Variants in WNT9A observed in about 807,000 individuals in gnomAD.
WNT9A encodes the protein protein Wnt-9a.
Under a neutral mutation model 31.4 loss-of-function variants are expected in WNT9A, and 8 were observed. The observed-to-expected ratio is 0.26, with a 90% CI of 0.15 to 0.46. WNT9A has a LOEUF of 0.46. WNT9A is among the 20% of genes least tolerant of loss of function. The probability of loss-of-function intolerance (pLI) is 0.99; values close to 1 mark genes in which losing one functional copy is unlikely to be tolerated. For synonymous variants in WNT9A, 236 were observed against 220.1 expected, an observed-to-expected ratio of 1.07 and a Z score of -0.64; for missense variants, 457 against 522.9, an observed-to-expected ratio of 0.87 and a Z score of 1.23.
rs376232294 is a variant in WNT9A, at chr1:227,937,594, C to T, written c.95+10199G>A. Among the ~76,000 whole-genome samples the T allele has an allele frequency of 2.5e-3, 385 of 152,316 alleles. 2 individuals carry two copies. The highest frequency in any genetic ancestry group is 8.8e-3 in the African/African-American group (366 of 41,570). ...AAAAAGGAGAAGACACAGAGGCGGA[C>T]GAGAGGGCCACGTGAAGATGGAAGC... On this transcript the variant is annotated intron_variant, in intron 1 of 3. Coordinates refer to ENST00000272164, the MANE Select transcript of WNT9A (RefSeq NM_003395.4).
chr1:227,943,794 G>A (rs1356820567), intron 1 of WNT9A, among the ~76,000 whole-genome samples: 1 of 152,138 alleles, frequency 6.6e-6, no homozygotes, highest in Non-Finnish European at 1.5e-5. Flanking sequence ...GGACAGCATG[G>A]TAAAACCCCA....
At chr1:227,927,871 G>A (rs1343221082) in intron 1 of WNT9A, among the ~76,000 whole-genome samples, 1 of 152,098 alleles carries the variant, frequency 6.6e-6, no homozygotes, top group Non-Finnish European at 1.5e-5. Flanking sequence ...GTGTGGACAG[G>A]GGACAGGGGG....
At chr1:227,940,959 C>T (rs967488950) in intron 1 of WNT9A, among the ~76,000 whole-genome samples, 2 of 152,258 alleles carry the variant, frequency 1.3e-5, no homozygotes, top group Non-Finnish European at 2.9e-5. Context: ...CCGGCCTGGA[C>T]CACGGATGTG....
rs1222802595 is a variant in WNT9A at position 227,942,327 on chromosome 1, G to C, written c.95+5466C>G. The stretch of plus-strand genomic sequence containing the variant: ...AGCAGGTGGGGCAGGGAGAGGCTGG[G>C]GGTTCCAAGGCCCCTGGGTGCAGAG... On this transcript the variant is annotated intron_variant, in intron 1 of 3. Coordinates refer to ENST00000272164, the MANE Select transcript of WNT9A (RefSeq NM_003395.4). The surrounding 1 kb of genome is among the most constrained non-coding windows in gnomAD (Gnocchi z 5.7). 6.6e-6 allele frequency among the ~76,000 whole-genome samples: 1 copy of C among 152,168 alleles called. No homozygotes were observed. Among genetic ancestry groups the C allele is most frequent in the Non-Finnish European group, 1.5e-5 (1 of 67,990 alleles).
At chr1:227,932,465 T>G (rs1572129954) in intron 1 of WNT9A, among the ~76,000 whole-genome samples, 1 of 152,138 alleles carries the variant, frequency 6.6e-6, no homozygotes, top group African/African-American at 2.4e-5. Flanking sequence ...AGGGCTGGAA[T>G]CAACATTTTC....
chr1:227,937,626 T>C (rs1325323346), intron 1 of WNT9A, among the ~76,000 whole-genome samples: 1 of 152,100 alleles, frequency 6.6e-6, no homozygotes, highest in Non-Finnish European at 1.5e-5. Context: ...AAGCAGGGCG[T>C]AAAGTGGCCA....
At chr1:227,945,676 C>T (rs999747205) in intron 1 of WNT9A, among the ~76,000 whole-genome samples, 4 of 152,080 alleles carry the variant, frequency 2.6e-5, no homozygotes, top group Non-Finnish European at 5.9e-5. Context: ...TGGGAAGGGC[C>T]ACCCCAGCCC....
chr1:227,923,949 C>A (rs1274580068), intron 3 of WNT9A, among the ~76,000 whole-genome samples, 189 bp downstream of exon 3: 1 of 152,084 alleles, frequency 6.6e-6, no homozygotes, highest in Non-Finnish European at 1.5e-5. Context: ...GGGTAGGGAG[C>A]CTTATGGGCA....
chr1:227,924,445 T>A, intron 2 of WNT9A, 45 bp from the exon 3 acceptor site: 4 of 1,582,998 alleles, frequency 2.5e-6, no homozygotes, highest in Middle Eastern at 1.8e-4. Context: ...CTGCCCAGAG[T>A]TCCCCCTTCA....
chr1:227,930,025 A>C (rs1446522655), intron 1 of WNT9A, among the ~76,000 whole-genome samples: 1 of 152,194 alleles, frequency 6.6e-6, no homozygotes, highest in Non-Finnish European at 1.5e-5. Flanking sequence ...CAGCCTGCGT[A>C]AACTAAGATG....
At chr1:227,924,049 G>GCCCCCCCC in intron 3 of WNT9A, 89 bp downstream of exon 3, 14 of 1,307,684 alleles carry the variant, frequency 1.1e-5, no homozygotes, top group South Asian at 1.5e-5. Context: ...CCCTGCTGCA[G>GCCCCCCCC]CCCCGCCCCC....
chr1:227,925,385 C>G lies in WNT9A; in HGVS notation c.230G>C (p.Gly77Ala). ...GGCCTCCACCAGCGTCTCTGCCACG[C>G]CCGGGTCCCGGCGGCACATGCGCCG... ...KQRRMCRRDP[G>A]VAETLVEAVS... Residue 77 changes from glycine (G) to alanine (A), a missense_variant, in exon 2 of 4, where the codon GGC becomes GCC. By Grantham distance (60) the Gly-to-Ala change is moderately conservative. Transcript: ENST00000272164. This position sits in a 1 kb window ranked among gnomAD's most constrained non-coding sequence, Gnocchi z 6.0. 6.2e-7 allele frequency: 1 copy of G among 1,610,974 alleles called. No individual in the cohort carries two copies. The highest frequency in any genetic ancestry group is 8.5e-7 in the Non-Finnish European group (1 of 1,179,464).
intron 3 of WNT9A, among the ~76,000 whole-genome samples, chr1:227,923,522 AG>A (rs1666361510): frequency 6.6e-6 from 1 of 152,178 alleles, no homozygotes; most frequent in African/African-American, 2.4e-5. Context: ...CCCAACAGCC[AG>A]TGGCCCCTGG....
chr1:227,927,883 G>T (rs1666446039), intron 1 of WNT9A, among the ~76,000 whole-genome samples: 2 of 152,022 alleles, frequency 1.3e-5, no homozygotes, highest in Admixed American at 6.6e-5. Context: ...GACAGGGGGA[G>T]GGGAGAGGGA....
chr1:227,924,224 T>A lies in WNT9A; in HGVS notation c.529A>T (p.Lys177Ter). ...GCGDNLKYSS[K>*]FVKEFLGRRS... is the part of the protein sequence containing the mutation. ...CTGCCCAGGAATTCCTTGACGAACT[T>A]GCTGCTGTACTTAAGGTTGTCTCCG... The change falls in exon 3 of 4, where the codon AAG becomes TAG. Residue 177 changes from lysine (K) to a stop codon, truncating the protein, a stop_gained. Coordinates refer to ENST00000272164, the MANE Select transcript of WNT9A (RefSeq NM_003395.4). LOFTEE classifies it high-confidence loss of function. The A allele has an allele frequency of 6.2e-7, 1 of 1,613,806 alleles. No individual in the cohort carries two copies. Among genetic ancestry groups the A allele is most frequent in the Non-Finnish European group, 8.5e-7 (1 of 1,179,968 alleles).
chr1:227,941,739 G>A (rs1228292659), intron 1 of WNT9A: 1 of 152,758 alleles, frequency 6.5e-6, no homozygotes, highest in Non-Finnish European at 1.5e-5. Flanking sequence ...CCCCACTCGT[G>A]GCTGGCCTTC....
intron 1 of WNT9A, among the ~76,000 whole-genome samples, chr1:227,943,218 C>A (rs1176429552): frequency 1.3e-5 from 2 of 152,244 alleles, no homozygotes; most frequent in Non-Finnish European, 2.9e-5. Flanking sequence ...CTGCCCCACA[C>A]CAGGCTCTAG....
intron 2 of WNT9A, 120 bp from the exon 3 acceptor site, chr1:227,924,520 G>A (rs1198306171): frequency 1.4e-6 from 2 of 1,402,918 alleles, no homozygotes; most frequent in Middle Eastern, 2.6e-4. Context: ...CATCTTTCCT[G>A]GTGCTGCACT....
chr1:227,947,436 T>C (rs1285451457), intron 1 of WNT9A, among the ~76,000 whole-genome samples: 7 of 152,160 alleles, frequency 4.6e-5, no homozygotes, highest in Admixed American at 3.9e-4. Context: ...GGCCAGGGGC[T>C]GAGGACTCAG....
Sources: allele counts gnomAD v4.1 joint callset (sites outside exome capture counted in the v4.1 genomes callset), GRCh38; gene constraint gnomAD v4.1.1; non-coding constraint Gnocchi (gnomAD v3.1); transcripts MANE v1.5; gene names NCBI Gene and HGNC (gene_info 2026-07-23, HGNC 2026-07-21).